The following CCBE1 variants were observed in gnomAD, a reference collection of about 807,000 sequenced individuals.
CCBE1 encodes collagen and calcium-binding EGF domain-containing protein 1.
In CCBE1, 37 loss-of-function variants were observed where a neutral mutation model predicts 50.0. The ratio of observed to expected loss-of-function variants is 0.74; its 90% CI spans 0.57 to 0.97. The LOEUF is 0.97. CCBE1 is among the 50% of genes least tolerant of loss of function. The probability of loss-of-function intolerance (pLI) is 0.00; values close to 1 mark genes in which losing one functional copy is unlikely to be tolerated. For missense variants in CCBE1, 538 were observed against 523.8 expected (o/e 1.03, Z -0.26); for synonymous variants, 234 against 203.7 (o/e 1.15, Z -1.27).
intron 2 of CCBE1, among the ~76,000 whole-genome samples, chr18:59,500,155 C>G (rs1913549569): frequency 6.6e-6 from 1 of 152,194 alleles, no homozygotes; most frequent in Non-Finnish European, 1.5e-5. Context: ...AGATATCCCA[C>G]TGGTGCTGGC....
chr18:59,492,455 C>CAACAGGATGTG (rs1418751906), intron 2 of CCBE1, among the ~76,000 whole-genome samples: 2 of 152,102 alleles, frequency 1.3e-5, no homozygotes, highest in Non-Finnish European at 2.9e-5. Flanking sequence ...TTAGACTGAC[C>CAACAGGATGTG]AACAGGATGT....
chr18:59,595,376 C>T (rs1174805298), intron 2 of CCBE1, among the ~76,000 whole-genome samples: 1 of 152,152 alleles, frequency 6.6e-6, no homozygotes, highest in African/African-American at 2.4e-5. Context: ...AGTTACTAAC[C>T]TTTCTTACTT....
rs1447702420 is a variant in CCBE1 at position 59,575,957 on chromosome 18, T to C, written c.213-95719A>G. On this transcript the variant is annotated intron_variant, in intron 2 of 10. Transcript: ENST00000439986. ...CCACATGTCCCTTTAGTTAACCCCTTCCCCTCCAGCTCCAGGCAAACATTG... is the reference window on the plus strand; with the variant it reads ...CCACATGTCCCTTTAGTTAACCCCTCCCCCTCCAGCTCCAGGCAAACATTG... Among the ~76,000 whole-genome samples the C allele has an allele frequency of 2.0e-5, 3 of 152,328 alleles. No individual in the cohort carries two copies. The East Asian group carries it at 5.8e-4, about 29-fold the overall frequency.
chr18:59,585,610 A>G lies in CCBE1; in HGVS notation c.213-105372T>C, dbSNP rs142635360. On this transcript the variant is annotated intron_variant, in intron 2 of 10. Transcript: ENST00000439986. The stretch of plus-strand genomic sequence containing the variant: ...AGGTGGAAAAGTGGCAAAATATCTT[A>G]TTTTGTTAAGTATCAGCAAAACAAC... 8.9e-3 allele frequency among the ~76,000 whole-genome samples: 1,349 copies of G among 152,332 alleles called. 18 individuals are homozygous for G. Among genetic ancestry groups the G allele is most frequent in the African/African-American group, 0.03 (1,257 of 41,576 alleles).
Position 59,612,834 on chromosome 18 carries a change from TTGTTTTTGTTTTTG to T in CCBE1, c.212+83781_212+83794del, listed in dbSNP as rs377370419. On this transcript the variant is annotated intron_variant, in intron 2 of 10. Transcript: ENST00000439986. The stretch of plus-strand genomic sequence containing the variant: ...TCAAGGGTTTTTTTTTTGTTTTTTT[TTGTTTTTGTTTTTG>T]TTTTTTTTAATGTCTGTTAGATGGC... Among the ~76,000 whole-genome samples, 80 of 111,650 alleles carry T rather than the reference TTGTTTTTGTTTTTG, an allele frequency of 7.2e-4. 11 individuals are homozygous for T. Among genetic ancestry groups the T allele is most frequent in the East Asian group, 1.6e-3 (4 of 2,432 alleles). The allele number at this position is 111,650 out of a possible 152,430, so 73.2% of individuals were successfully genotyped here.
intron 2 of CCBE1, among the ~76,000 whole-genome samples, chr18:59,597,523 T>C (rs937951662): frequency 2.6e-5 from 4 of 151,988 alleles, no homozygotes; most frequent in Admixed American, 6.6e-5. Context: ...CCAAGGCTCA[T>C]TGGGTTGAGG....
intron 2 of CCBE1, among the ~76,000 whole-genome samples, chr18:59,525,359 G>C (rs1249619672): frequency 2.0e-5 from 3 of 152,144 alleles, no homozygotes; most frequent in African/African-American, 7.2e-5. Context: ...ATACTTGTTG[G>C]CCACATAAAT....
At chr18:59,526,787 A>T (rs1914840657) in intron 2 of CCBE1, among the ~76,000 whole-genome samples, 1 of 152,180 alleles carries the variant, frequency 6.6e-6, no homozygotes, top group South Asian at 2.1e-4. Flanking sequence ...ATTCAGGAGC[A>T]GGTTTTTCAG....
In CCBE1 at chr18:59,439,550, C is replaced by T. The variant is rs753076643; in HGVS notation, c.944G>A (p.Gly315Asp). The stretch of plus-strand genomic sequence containing the variant: ...ACCACTCATAAGGCTTACCTTAGAA[C>T]CATCTCTTCCTGGTGCCCCTGGTGG... Reference protein sequence around the residue: ...VGPPGAPGRDGSKGERGAPGP... With the variant: ...VGPPGAPGRDDSKGERGAPGP... The change falls in exon 9 of 11, where the codon GGT becomes GAT. Residue 315 changes from glycine (G) to aspartate (D), a missense_variant. Gly to Asp is a moderately conservative substitution (Grantham distance 94). Coordinates refer to ENST00000439986, the MANE Select transcript of CCBE1 (RefSeq NM_133459.4). The T allele has an allele frequency of 6.2e-7, 1 of 1,614,260 alleles. No homozygotes were observed. Among genetic ancestry groups the T allele is most frequent in the South Asian group, 1.1e-5 (1 of 91,088 alleles).
At chr18:59,613,846 A>G (rs1327251049) in intron 2 of CCBE1, among the ~76,000 whole-genome samples, 1 of 134,570 alleles carries the variant, frequency 7.4e-6, no homozygotes, top group Admixed American at 7.5e-5. Context: ...AAGCACAAAG[A>G]TGTTTTTCTC....
Position 59,436,013 on chromosome 18 carries a change from C to T in CCBE1, c.1116G>A (p.Gln372=), listed in dbSNP as rs1227705811. The change falls in exon 11 of 11, where the codon CAG becomes CAA. Residue 372 remains glutamine, a synonymous_variant. Coordinates refer to ENST00000439986, the MANE Select transcript of CCBE1 (RefSeq NM_133459.4). The stretch of plus-strand genomic sequence containing the variant: ...TGGCTTCTGGGTAGCTGGGAAATTC[C>T]TGAGGTAAAGGGAACTCCTCTGCTG... ...HSSAEEFPLP[Q]EFPSYPEAMD... is the part of the protein sequence containing the mutation. The T allele has an allele frequency of 6.2e-7, 1 of 1,614,036 alleles. No individual in the cohort carries two copies. The highest frequency in any genetic ancestry group is 1.7e-5 in the Admixed American group (1 of 59,998).
rs1256779088 is a variant in CCBE1, at chr18:59,435,811, G to A, written c.*97C>T. On this transcript the variant is annotated 3_prime_UTR_variant, in exon 11 of 11. Transcript: ENST00000439986. ...AGGAGAAGAGAAGAGAAAAATGTAT[G>A]TTTTCTAGGTCTCCAGTGGTCTTTC... 1.2e-5 allele frequency: 13 copies of A among 1,063,482 alleles called. 1 individual carries two copies. The South Asian group carries it at 1.6e-4, about 13-fold the overall frequency. The allele number at this position is 1,063,482 out of a possible 1,614,324, so 65.9% of individuals were successfully genotyped here. A position where few individuals can be genotyped will look rare whatever the true frequency, so the allele number is the denominator to read the frequency against.
At chr18:59,674,392 T>A (rs2054471819) in intron 2 of CCBE1, among the ~76,000 whole-genome samples, 2 of 152,096 alleles carry the variant, frequency 1.3e-5, no homozygotes, top group African/African-American at 4.8e-5. Context: ...CGCAGCATGT[T>A]CTCACTTATA....
intron 2 of CCBE1, among the ~76,000 whole-genome samples, chr18:59,671,535 T>C (rs1461368836): frequency 2.0e-5 from 3 of 150,588 alleles, no homozygotes; most frequent in Non-Finnish European, 4.4e-5. Flanking sequence ...AAGAAGTAAC[T>C]GACTTCTTCT....
At chr18:59,460,741 G>A (rs893427076) in intron 5 of CCBE1, among the ~76,000 whole-genome samples, 12 of 152,086 alleles carry the variant, frequency 7.9e-5, no homozygotes, top group Admixed American at 3.9e-4. Flanking sequence ...AGACCAGCCT[G>A]GCCAAGATGG....
At chr18:59,496,990 C>T (rs1371251568) in intron 2 of CCBE1, among the ~76,000 whole-genome samples, 1 of 152,148 alleles carries the variant, frequency 6.6e-6, no homozygotes, top group Non-Finnish European at 1.5e-5. Flanking sequence ...TATGAGCTTA[C>T]ATTTTAATTT....
At chr18:59,524,319 C>A (rs1290232674) in intron 2 of CCBE1, among the ~76,000 whole-genome samples, 1 of 152,060 alleles carries the variant, frequency 6.6e-6, no homozygotes, top group Admixed American at 6.5e-5. Context: ...GATCCTGTCT[C>A]AAAAACAAAA....
At chr18:59,676,591 A>G (rs993763743) in intron 2 of CCBE1, among the ~76,000 whole-genome samples, 1 of 152,240 alleles carries the variant, frequency 6.6e-6, no homozygotes, top group Non-Finnish European at 1.5e-5. Flanking sequence ...TTTCACAAAT[A>G]TGTATTCTGC....
chr18:59,442,420 G>C (rs550370009), intron 7 of CCBE1, among the ~76,000 whole-genome samples: 1 of 151,990 alleles, frequency 6.6e-6, no homozygotes, highest in East Asian at 1.9e-4. Context: ...ATTTTCTTCC[G>C]AGCATTCTTA....
Sources: allele counts gnomAD v4.1 joint callset (sites outside exome capture counted in the v4.1 genomes callset), GRCh38; gene constraint gnomAD v4.1.1; transcripts MANE v1.5; gene names NCBI Gene and HGNC (gene_info 2026-07-23, HGNC 2026-07-21).